The following ZNF423 variants were observed in gnomAD, a reference collection of about 807,000 sequenced individuals.
ZNF423 encodes the protein Ebf-associated zinc finger protein.
ZNF423 carries 12 observed loss-of-function variants against 95.8 expected under a neutral mutation model. The ratio of observed to expected loss-of-function variants is 0.13; its 90% CI spans 0.08 to 0.20. The LOEUF is 0.20. Among genes scored for constraint, ZNF423 ranks in the 10% least tolerant of loss-of-function variants. ZNF423 has a pLI of 1.00. For synonymous variants in ZNF423, 749 were observed against 711.9 expected (o/e 1.05, Z -0.83); for missense variants, 1,316 against 1,737.1 (o/e 0.76, Z 4.31).
chr16:49,587,889 C>T (rs1052633581), intron 5 of ZNF423, among the ~76,000 whole-genome samples: 1 of 152,170 alleles, frequency 6.6e-6, no homozygotes, highest in African/African-American at 2.4e-5. Context: ...AATGCCTCTC[C>T]TCTTTCAAAC....
At chr16:49,661,197 G>A (rs1385819700) in intron 3 of ZNF423, among the ~76,000 whole-genome samples, 1 of 139,418 alleles carries the variant, frequency 7.2e-6, no homozygotes, top group Non-Finnish European at 1.5e-5. Flanking sequence ...CAGCCCAGGC[G>A]ACACAGTGAG....
chr16:49,698,929 G>A (rs2032073129), intron 3 of ZNF423, among the ~76,000 whole-genome samples: 1 of 152,238 alleles, frequency 6.6e-6, no homozygotes, highest in African/African-American at 2.4e-5. Flanking sequence ...GAGACCCGCG[G>A]AGCTCCAGTA....
At chr16:49,813,180 C>T (rs910540035) in intron 1 of ZNF423, among the ~76,000 whole-genome samples, 5 of 151,970 alleles carry the variant, frequency 3.3e-5, no homozygotes, top group African/African-American at 1.2e-4. Flanking sequence ...GACTGGACTT[C>T]CCCCAAATCC....
chr16:49,704,667 G>A (rs1192424233), intron 3 of ZNF423, among the ~76,000 whole-genome samples: 2 of 152,090 alleles, frequency 1.3e-5, no homozygotes, highest in African/African-American at 2.4e-5. Flanking sequence ...AGATCTGGAG[G>A]GAGTATGAAG....
At chr16:49,779,249 C>T (rs1402761937) in intron 2 of ZNF423, among the ~76,000 whole-genome samples, 1 of 151,788 alleles carries the variant, frequency 6.6e-6, no homozygotes, top group African/African-American at 2.4e-5. Context: ...AGAGAAGGAA[C>T]ATTAGAACCA....
At chr16:49,720,199 G>T (rs2032825902) in intron 3 of ZNF423, among the ~76,000 whole-genome samples, 1 of 152,170 alleles carries the variant, frequency 6.6e-6, no homozygotes. Context: ...AGAATTCAAG[G>T]GTCAAAGTCA....
chr16:49,522,878 T>C (rs1406205961), intron 7 of ZNF423, among the ~76,000 whole-genome samples: 1 of 152,208 alleles, frequency 6.6e-6, no homozygotes, highest in East Asian at 1.9e-4. Context: ...CTCTCCAGTG[T>C]TGCAAGAATT....
chr16:49,728,174 G>A (rs558490316), intron 3 of ZNF423, among the ~76,000 whole-genome samples: 3 of 152,090 alleles, frequency 2.0e-5, no homozygotes, highest in Non-Finnish European at 2.9e-5. Context: ...GGAAGGGTGT[G>A]GAGGCATTCC....
At chr16:49,642,471 A>C (rs560621962) in intron 3 of ZNF423, among the ~76,000 whole-genome samples, 1 of 152,332 alleles carries the variant, frequency 6.6e-6, no homozygotes, top group South Asian at 2.1e-4. Flanking sequence ...AAACTAAAGC[A>C]AAGCGTATTA....
At chr16:49,849,899 C>T (rs1255103423) in intron 1 of ZNF423, among the ~76,000 whole-genome samples, 3 of 152,180 alleles carry the variant, frequency 2.0e-5, no homozygotes, top group East Asian at 3.9e-4. Flanking sequence ...GCTGGGAGGC[C>T]GTCCCGCTGT....
At chr16:49,537,629 G>A (rs1024665682) in intron 5 of ZNF423, among the ~76,000 whole-genome samples, 6 of 152,106 alleles carry the variant, frequency 3.9e-5, no homozygotes, top group Admixed American at 6.5e-5. Context: ...CCAAGATAGC[G>A]AGGCTTATGG....
chr16:49,652,667 A>T (rs1287783784), intron 3 of ZNF423, among the ~76,000 whole-genome samples: 2 of 152,148 alleles, frequency 1.3e-5, no homozygotes, highest in African/African-American at 2.4e-5. Context: ...GCTCTGCTCC[A>T]CTCGAGTGAA....
chr16:49,660,460 C>T (rs1414340658), intron 3 of ZNF423, among the ~76,000 whole-genome samples: 1 of 152,164 alleles, frequency 6.6e-6, no homozygotes, highest in Admixed American at 6.5e-5. Context: ...ACTCAAGAGG[C>T]CCCTGTAAGG....
At chr16:49,708,489 C>T (rs1283974347) in intron 3 of ZNF423, among the ~76,000 whole-genome samples, 1 of 152,024 alleles carries the variant, frequency 6.6e-6, no homozygotes, top group African/African-American at 2.4e-5. Flanking sequence ...GTGGTTTCAC[C>T]ATGTTGGCCA....
At chr16:49,741,338 T>C (rs1353029515) in intron 2 of ZNF423, among the ~76,000 whole-genome samples, 1 of 151,294 alleles carries the variant, frequency 6.6e-6, no homozygotes, top group Non-Finnish European at 1.5e-5. Context: ...CTACTAAAAA[T>C]GCCCCAAAAA....
At chr16:49,499,843 G>A (rs566012736) in intron 7 of ZNF423, among the ~76,000 whole-genome samples, 32 of 152,274 alleles carry the variant, frequency 2.1e-4, no homozygotes, top group African/African-American at 7.5e-4. Flanking sequence ...ACCCACCAGG[G>A]GATAGATTAT....
chr16:49,657,515 G>A (rs1034455030), intron 3 of ZNF423, among the ~76,000 whole-genome samples: 8 of 152,230 alleles, frequency 5.3e-5, no homozygotes, highest in Admixed American at 1.3e-4. Context: ...CCAGGTGTCT[G>A]CCTGTCTCAA....
At chr16:49,850,266 A>T (rs555471537) in intron 1 of ZNF423, among the ~76,000 whole-genome samples, 1 of 152,098 alleles carries the variant, frequency 6.6e-6, no homozygotes, top group Non-Finnish European at 1.5e-5. Context: ...AGCCCCAAAA[A>T]CTTCAAGCGG....
intron 1 of ZNF423, among the ~76,000 whole-genome samples, chr16:49,799,715 A>C (rs904726963): frequency 6.6e-6 from 1 of 152,230 alleles, no homozygotes; most frequent in African/African-American, 2.4e-5. Flanking sequence ...TTCCCTAATA[A>C]AAACATGATG....
Sources: gnomAD v4.1 joint callset for allele counts (sites outside exome capture counted in the v4.1 genomes callset) on GRCh38, gnomAD v4.1.1 for gene constraint, MANE v1.5 for transcripts, NCBI Gene and HGNC (gene_info 2026-07-23, HGNC 2026-07-21) for gene names.